Variants in THSD4 observed in about 807,000 individuals in gnomAD.
THSD4 encodes the protein thrombospondin type-1 domain-containing protein 4.
Under a neutral mutation model 119.0 loss-of-function variants are expected in THSD4, and 69 were observed. That is an observed-to-expected ratio of 0.58 (90% CI 0.48 to 0.71). The LOEUF is 0.71. Among genes scored for constraint, THSD4 ranks in the 30% least tolerant of loss-of-function variants. THSD4 has a pLI of 0.00. For synonymous variants in THSD4, 524 were observed against 540.4 expected, an observed-to-expected ratio of 0.97 and a Z score of 0.42; for missense variants, 1,393 against 1,391.1, an observed-to-expected ratio of 1.00 and a Z score of -0.02.
intron 1 of THSD4, among the ~76,000 whole-genome samples, chr15:71,100,286 T>G (rs1022923706): frequency 6.6e-6 from 1 of 152,262 alleles, no homozygotes; most frequent in African/African-American, 2.4e-5. Flanking sequence ...TTGTAACTTC[T>G]GTCTTGCTAG....
At chr15:71,569,722 G>A (rs572451091) in intron 7 of THSD4, among the ~76,000 whole-genome samples, 42 of 152,314 alleles carry the variant, frequency 2.8e-4, no homozygotes, top group African/African-American at 8.9e-4. Flanking sequence ...GGCTGGGTGC[G>A]GTAGCTTAGG....
Position 71,242,915 on chromosome 15 carries a change from A to C in THSD4, c.731A>C (p.Gln244Pro). Residue 244 changes from glutamine (Q) to proline (P), a missense_variant, in exon 5 of 18, where the codon CAG (glutamine) becomes CCG (proline). Gln to Pro is a moderately conservative substitution (Grantham distance 76). Transcript: ENST00000261862. The part of the protein sequence containing the change: ...GLQAAEAPIY[Q>P]LPLTHDQGYP... ...CAGGCTGCGGAGGCCCCCATCTACC[A>C]GCTACCTTTGACCCATGATCAAGGC... 6.2e-7 allele frequency: 1 copy of C among 1,614,182 alleles called. No individual in the cohort carries two copies. The highest frequency in any genetic ancestry group is 8.5e-7 in the Non-Finnish European group (1 of 1,180,020).
At chr15:71,288,843 GACA>G in intron 6 of THSD4, among the ~76,000 whole-genome samples, 1 of 152,294 alleles carries the variant, frequency 6.6e-6, no homozygotes, top group African/African-American at 2.4e-5. Flanking sequence ...AGGCTTCTCT[GACA>G]ACAATACCAA....
At chr15:71,266,825 C>T (rs2044470199) in intron 6 of THSD4, among the ~76,000 whole-genome samples, 1 of 151,594 alleles carries the variant, frequency 6.6e-6, no homozygotes, top group African/African-American at 2.4e-5. Context: ...ATACAAGTAT[C>T]AATAGCTGAA....
Position 71,321,308 on chromosome 15 carries a change from G to A in THSD4, c.1015+64593G>A, listed in dbSNP as rs1474294194. 2.6e-5 allele frequency among the ~76,000 whole-genome samples: 4 copies of A among 152,206 alleles called. No individual in the cohort carries two copies. In the East Asian group the frequency reaches 5.8e-4, roughly 22 times the overall value. ...CCCAGCACTTTGGGAGGCTGAGGCA[G>A]GCGAATCACCTGAGGTCAGGAGTTG... On this transcript the variant is annotated intron_variant, in intron 6 of 17. Transcript: ENST00000261862.
intron 16 of THSD4, among the ~76,000 whole-genome samples, chr15:71,765,790 C>CTCTGTGTG (rs112237737): frequency 3.4e-5 from 5 of 146,222 alleles, no homozygotes; most frequent in Admixed American, 6.8e-5. Flanking sequence ...CACACACTCT[C>CTCTGTGTG]TGTGTGTGTG....
chr15:71,519,631 G>A (rs2048410929), intron 7 of THSD4, among the ~76,000 whole-genome samples: 1 of 152,212 alleles, frequency 6.6e-6, no homozygotes, highest in East Asian at 1.9e-4. Context: ...CAAAGTGCTG[G>A]GATGACAGGC....
intron 7 of THSD4, among the ~76,000 whole-genome samples, chr15:71,540,729 CTTTTT>C (rs34631960): frequency 9.0e-6 from 1 of 110,608 alleles, no homozygotes. Context: ...ACCTGGCCTC[CTTTTT>C]TTTTTTTTTT....
At chr15:71,487,013 G>A (rs2047833205) in intron 7 of THSD4, among the ~76,000 whole-genome samples, 1 of 152,154 alleles carries the variant, frequency 6.6e-6, no homozygotes, top group Non-Finnish European at 1.5e-5. Context: ...CTCCCTTTCA[G>A]CCAGGGAAGT....
intron 10 of THSD4, chr15:71,733,957 G>A (rs1278584469): frequency 1.4e-5 from 2 of 144,542 alleles, no homozygotes; most frequent in Non-Finnish European, 1.5e-5. Flanking sequence ...CCTAATTGTT[G>A]TTGTTGTTGT....
At chr15:71,435,334 T>C (rs991578088) in intron 7 of THSD4, among the ~76,000 whole-genome samples, 9 of 152,196 alleles carry the variant, frequency 5.9e-5, no homozygotes, top group African/African-American at 2.2e-4. Flanking sequence ...AGTTTACATG[T>C]ACAAAGGATT....
At chr15:71,402,534 G>T (rs2046551190) in intron 6 of THSD4, among the ~76,000 whole-genome samples, 1 of 152,156 alleles carries the variant, frequency 6.6e-6, no homozygotes, top group South Asian at 2.1e-4. Context: ...GGGAAGTTGG[G>T]CTGTGATGCA....
chr15:71,442,078 C>T (rs76769874), intron 7 of THSD4, among the ~76,000 whole-genome samples: 38,860 of 152,010 alleles, frequency 0.26, 5,453 homozygotes, highest in Middle Eastern at 0.36. Flanking sequence ...CCTGCCTAAG[C>T]CTCCTGAGTA....
intron 3 of THSD4, among the ~76,000 whole-genome samples, chr15:71,162,001 A>G (rs538353822): frequency 3.3e-5 from 5 of 152,032 alleles, no homozygotes; most frequent in Non-Finnish European, 7.4e-5. Flanking sequence ...CTTTAGTTGC[A>G]TTAAAGTACT....
intron 7 of THSD4, among the ~76,000 whole-genome samples, chr15:71,492,949 A>C (rs567402976): frequency 6.6e-6 from 1 of 151,982 alleles, no homozygotes; most frequent in East Asian, 1.9e-4. Flanking sequence ...TAATCACTGT[A>C]ATGAGGAAAG....
intron 7 of THSD4, among the ~76,000 whole-genome samples, chr15:71,611,015 C>T (rs529536902): frequency 2.6e-5 from 4 of 152,280 alleles, no homozygotes; most frequent in East Asian, 3.9e-4. Context: ...GGATAAACAA[C>T]GTGTTACCCT....
chr15:71,598,916 C>A (rs937167952), intron 7 of THSD4, among the ~76,000 whole-genome samples: 1 of 152,140 alleles, frequency 6.6e-6, no homozygotes, highest in Non-Finnish European at 1.5e-5. Flanking sequence ...CGCATCTGAC[C>A]GGAACTTATT....
At chr15:71,327,952 T>TA (rs1338612812) in intron 6 of THSD4, among the ~76,000 whole-genome samples, 2 of 152,208 alleles carry the variant, frequency 1.3e-5, no homozygotes, top group Non-Finnish European at 2.9e-5. Context: ...CAATTAAACA[T>TA]ACTGTAGCAA....
intron 3 of THSD4, among the ~76,000 whole-genome samples, chr15:71,202,664 A>C (rs569928414): frequency 6.6e-6 from 1 of 152,276 alleles, no homozygotes; most frequent in South Asian, 2.1e-4. Flanking sequence ...GTTTTCCCCC[A>C]TTTTGTAAAA....
Sources: allele counts gnomAD v4.1 joint callset (sites outside exome capture counted in the v4.1 genomes callset), GRCh38; gene constraint gnomAD v4.1.1; transcripts MANE v1.5; gene names NCBI Gene and HGNC (gene_info 2026-07-23, HGNC 2026-07-21).